IQCM: variants seen among roughly 807,000 people sequenced by gnomAD.
IQCM encodes IQ domain-containing protein M.
A neutral mutation model predicts 57.6 loss-of-function variants in IQCM; 45 were observed. The observed-to-expected ratio is 0.78, with a 90% CI of 0.62 to 1.00. The LOEUF is 1.00. Among genes scored for constraint, IQCM ranks in the 50% least tolerant of loss-of-function variants. The pLI is 0.00. For synonymous variants in IQCM, 148 were observed against 158.9 expected (o/e 0.93, Z 0.51); for missense variants, 468 against 511.6 (o/e 0.91, Z 0.82).
chr4:149,772,604 CTT>C (rs1240997562), intron 2 of IQCM, among the ~76,000 whole-genome samples: 1 of 152,090 alleles, frequency 6.6e-6, no homozygotes, highest in Non-Finnish European at 1.5e-5. Context: ...AAAACTACCA[CTT>C]TGGAATTTGG....
intron 12 of IQCM, among the ~76,000 whole-genome samples, chr4:149,516,545 C>T (rs1744989191): frequency 6.6e-6 from 1 of 152,094 alleles, no homozygotes; most frequent in Non-Finnish European, 1.5e-5. Context: ...AACTAGGTAA[C>T]AATACTTTTC....
chr4:149,633,380 A>C (rs1757458876), intron 7 of IQCM, among the ~76,000 whole-genome samples: 1 of 152,128 alleles, frequency 6.6e-6, no homozygotes, highest in South Asian at 2.1e-4. Context: ...ACTTGTTATC[A>C]ATATAAGTAA....
intron 12 of IQCM, among the ~76,000 whole-genome samples, chr4:149,445,349 C>A (rs1244687181): frequency 6.6e-6 from 1 of 151,706 alleles, no homozygotes; most frequent in Admixed American, 6.6e-5. Flanking sequence ...TTATATGCAT[C>A]CTTCAGTTTT....
intron 13 of IQCM, among the ~76,000 whole-genome samples, chr4:149,428,095 A>C (rs1289670596): frequency 6.6e-6 from 1 of 151,986 alleles, no homozygotes; most frequent in African/African-American, 2.4e-5. Flanking sequence ...ATGATAATGT[A>C]AGTTTTTTAC....
chr4:149,617,274 T>A (rs1755877838), intron 8 of IQCM, among the ~76,000 whole-genome samples: 1 of 151,982 alleles, frequency 6.6e-6, no homozygotes, highest in African/African-American at 2.4e-5. Flanking sequence ...GAACTTAAAG[T>A]AAACTAAAAA....
Position 149,372,851 on chromosome 4 carries a change from G to A in IQCM, c.1391-20785C>T, listed in dbSNP as rs573186809. On this transcript the variant is annotated intron_variant, in intron 13 of 13. Coordinates refer to ENST00000636793, the MANE Select transcript of IQCM (RefSeq NM_001363507.2). Reference sequence around the variant, plus strand: ...TACATCCTAGAATTTTTATCACTTGGCATCTACTATACTGGTAGTAAAGAT... The same window carrying A: ...TACATCCTAGAATTTTTATCACTTGACATCTACTATACTGGTAGTAAAGAT... Among the ~76,000 whole-genome samples the A allele has an allele frequency of 2.6e-5, 4 of 152,020 alleles. No individual in the cohort carries two copies. The East Asian group carries it at 7.7e-4, about 29-fold the overall frequency.
chr4:149,492,290 A>G (rs1742176701), intron 12 of IQCM, among the ~76,000 whole-genome samples: 1 of 152,068 alleles, frequency 6.6e-6, no homozygotes, highest in South Asian at 2.1e-4. Flanking sequence ...TTTCTTGCAC[A>G]ACTTTGGATG....
intron 7 of IQCM, among the ~76,000 whole-genome samples, chr4:149,661,138 C>G (rs551438959): frequency 5.3e-5 from 8 of 152,150 alleles, no homozygotes; most frequent in African/African-American, 1.4e-4. Context: ...ATCTTCTATA[C>G]TTAATTTGTT....
chr4:149,769,626 A>C, intron 2 of IQCM, among the ~76,000 whole-genome samples: 1 of 152,070 alleles, frequency 6.6e-6, no homozygotes, highest in East Asian at 1.9e-4. Flanking sequence ...AAATAAAAAA[A>C]TGGAGTAGCT....
intron 13 of IQCM, among the ~76,000 whole-genome samples, chr4:149,409,581 T>G (rs1014045323): frequency 6.6e-6 from 1 of 152,218 alleles, no homozygotes; most frequent in Non-Finnish European, 1.5e-5. Context: ...AGTTGGAAAT[T>G]TGTGTGGTGA....
chr4:149,435,735 T>C (rs28539925), intron 12 of IQCM, among the ~76,000 whole-genome samples: 1,568 of 152,128 alleles, frequency 0.01, 32 homozygotes, highest in African/African-American at 0.036. Context: ...ATATTGACGA[T>C]CCTGTGTAGG....
At chr4:149,675,419 A>G (rs1218881287) in intron 7 of IQCM, among the ~76,000 whole-genome samples, 2 of 151,872 alleles carry the variant, frequency 1.3e-5, no homozygotes, top group African/African-American at 2.4e-5. Context: ...AAAAACCAGC[A>G]CCACCTGAAA....
chr4:149,719,237 G>A (rs1486513435), intron 5 of IQCM, among the ~76,000 whole-genome samples: 3 of 151,766 alleles, frequency 2.0e-5, no homozygotes, highest in East Asian at 3.9e-4. Context: ...CCAGCTACTC[G>A]GGAGGCTGAG....
chr4:149,469,410 G>T (rs529289912), intron 12 of IQCM, among the ~76,000 whole-genome samples: 1 of 152,272 alleles, frequency 6.6e-6, no homozygotes, highest in African/African-American at 2.4e-5. Flanking sequence ...GAAGCAAGAA[G>T]AGAAGTTTAG....
At chr4:149,414,055 GTTTTTTAAAATGCACA>G (rs1733576875) in intron 13 of IQCM, among the ~76,000 whole-genome samples, 1 of 152,100 alleles carries the variant, frequency 6.6e-6, no homozygotes, top group Non-Finnish European at 1.5e-5. Context: ...AGATCCAGTG[GTTTTTTAAAATGCACA>G]TTTTTGAAAA....
chr4:149,407,051 T>C (rs1043562765), intron 13 of IQCM, among the ~76,000 whole-genome samples: 1 of 151,666 alleles, frequency 6.6e-6, no homozygotes, highest in African/African-American at 2.4e-5. Flanking sequence ...GCAGGCAAGA[T>C]AGAATGAGAG....
intron 8 of IQCM, among the ~76,000 whole-genome samples, chr4:149,597,920 CA>C (rs747758226): frequency 6.0e-5 from 9 of 150,196 alleles, no homozygotes; most frequent in East Asian, 1.9e-4. Flanking sequence ...CACCTCATGA[CA>C]AAAAAAAAGT....
chr4:149,358,542 G>A (rs1729179306), intron 13 of IQCM, among the ~76,000 whole-genome samples: 1 of 152,120 alleles, frequency 6.6e-6, no homozygotes, highest in Non-Finnish European at 1.5e-5. Context: ...CAGTTTCCAT[G>A]TAGTTGAGTG....
chr4:149,433,566 A>G lies in IQCM; in HGVS notation c.1229-9T>C. ...ATATTTTTCTTTGCCATCTATAAAG[A>G]AAAGATAAAATATATAAAATTTTAG... On this transcript the variant is annotated splice_polypyrimidine_tract_variant and intron_variant, in intron 12 of 13. Transcript: ENST00000636793. The G allele has an allele frequency of 1.9e-6, 2 of 1,046,782 alleles. No homozygotes were observed. The highest frequency in any genetic ancestry group is 2.4e-6 in the Non-Finnish European group (2 of 819,828). 64.8% of individuals were successfully genotyped at this position (1,046,782 alleles called of 1,614,324 possible).
Sources: gnomAD v4.1 joint callset for allele counts (sites outside exome capture counted in the v4.1 genomes callset) on GRCh38, gnomAD v4.1.1 for gene constraint, MANE v1.5 for transcripts, NCBI Gene and HGNC (gene_info 2026-07-23, HGNC 2026-07-21) for gene names.